The following PCDHGB7 variants were observed in gnomAD, a reference collection of about 807,000 sequenced individuals.
PCDHGB7 encodes the protein protocadherin gamma subfamily B, 7.
Under a neutral mutation model 61.4 loss-of-function variants are expected in PCDHGB7, and 37 were observed. That is an observed-to-expected ratio of 0.60 (90% CI 0.46 to 0.79). The LOEUF (loss-of-function observed/expected upper bound fraction) is 0.79. Among genes scored for constraint, PCDHGB7 ranks in the 30% least tolerant of loss-of-function variants. The pLI, the probability that PCDHGB7 is intolerant of heterozygous loss-of-function variation, is 0.00. For missense variants in PCDHGB7, 1,166 were observed against 1,202.5 expected (o/e 0.97, Z 0.45); for synonymous variants, 464 against 503.5 (o/e 0.92, Z 1.05).
At chr5:141,462,540 TTTC>T (rs2099042260) in intron 1 of PCDHGB7, among the ~76,000 whole-genome samples, 1 of 152,204 alleles carries the variant, frequency 6.6e-6, no homozygotes, top group East Asian at 1.9e-4. Flanking sequence ...TCAGTGATCT[TTTC>T]TTCTTCAGTG....
chr5:141,432,635 G>C lies in PCDHGB7; in HGVS notation c.2415+12361G>C, dbSNP rs754354737. On this transcript the variant is annotated intron_variant, in intron 1 of 3. Transcript: ENST00000398594. The surrounding 1 kb of genome is among the most constrained non-coding windows in gnomAD (Gnocchi z 6.0). ...CTCGGTGGGTCTGCACACGGGCGAG[G>C]TGCGCACGGCGCGAGCCCTGCTGGA... The C allele has an allele frequency of 5.6e-6, 9 of 1,612,886 alleles. No individual in the cohort carries two copies. Among genetic ancestry groups the C allele is most frequent in the Non-Finnish European group, 7.6e-6 (9 of 1,179,742 alleles).
Position 141,431,141 on chromosome 5 carries a change from G to T in PCDHGB7, c.2415+10867G>T. 1.2e-6 allele frequency: 2 copies of T among 1,614,212 alleles called. No homozygotes were observed. Among genetic ancestry groups the T allele is most frequent in the South Asian group, 1.1e-5 (1 of 91,084 alleles). On this transcript the variant is annotated intron_variant, in intron 1 of 3. Coordinates refer to ENST00000398594, the MANE Select transcript of PCDHGB7 (RefSeq NM_018927.4). This position sits in a 1 kb window ranked among gnomAD's most constrained non-coding sequence, Gnocchi z 4.8. ...AGAAGTAGAAGTAAGGGACATTAACGACAATGCGCCTTACTTTCGTGAAAG... is the reference window on the plus strand; with the variant it reads ...AGAAGTAGAAGTAAGGGACATTAACTACAATGCGCCTTACTTTCGTGAAAG...
chr5:141,450,006 C>CT lies in PCDHGB7; in HGVS notation c.2415+29750dup, dbSNP rs1554136305. ...CACATTGCATTTAGTTGCCATGTCT[C>CT]TTTTTTTTTTTTTTTTTTGAGACAG... On this transcript the variant is annotated intron_variant, in intron 1 of 3. Coordinates refer to ENST00000398594, the MANE Select transcript of PCDHGB7 (RefSeq NM_018927.4). Among the ~76,000 whole-genome samples the CT allele has an allele frequency of 9.8e-3, 1,304 of 132,922 alleles. 21 individuals are homozygous for CT. Among genetic ancestry groups the CT allele is most frequent in the Non-Finnish European group, 0.015 (957 of 62,878 alleles). 87.2% of individuals were successfully genotyped at this position (132,922 alleles called of 152,430 possible).
At chr5:141,430,950 TC>T (rs1353555538) in intron 1 of PCDHGB7, 1 of 1,609,980 alleles carries the variant, frequency 6.2e-7, no homozygotes, top group East Asian at 2.2e-5. Flanking sequence ...GAGCGCGGAG[TC>T]CGCATCATCC....
intron 1 of PCDHGB7, among the ~76,000 whole-genome samples, chr5:141,455,410 G>A (rs1332059386): frequency 6.6e-6 from 1 of 152,130 alleles, no homozygotes; most frequent in Non-Finnish European, 1.5e-5. Context: ...CAGAGACAGA[G>A]GGAGCGGGGC....
rs2154591356 is a variant in PCDHGB7, at chr5:141,493,972, C to G, written c.2416-835C>G. Among the ~76,000 whole-genome samples, 6 of 152,276 alleles carry G rather than the reference C, an allele frequency of 3.9e-5. No homozygotes were observed. In the Middle Eastern group the frequency reaches 0.014, roughly 345 times the overall value. On this transcript the variant is annotated intron_variant, in intron 1 of 3. Coordinates refer to ENST00000398594, the MANE Select transcript of PCDHGB7 (RefSeq NM_018927.4). This position sits in a 1 kb window ranked among gnomAD's most constrained non-coding sequence, Gnocchi z 4.3. ...CAGGAATGAAGTGGCTGGCCAGAGC[C>G]CCACACCTTCAGCTAGGTGGGAGAT...
intron 1 of PCDHGB7, among the ~76,000 whole-genome samples, chr5:141,446,120 T>C (rs2098489182): frequency 6.6e-6 from 1 of 152,196 alleles, no homozygotes; most frequent in Admixed American, 6.5e-5. Flanking sequence ...AGGAAATGGG[T>C]TCAATAAGAC....
At chr5:141,506,969 A>G (rs923725359) in intron 3 of PCDHGB7, 7 of 152,208 alleles carry the variant, frequency 4.6e-5, no homozygotes, top group Non-Finnish European at 8.8e-5. Flanking sequence ...ATAGCTCTGC[A>G]AGGCAGGTCT....
At chr5:141,479,120 A>T (rs1278879959) in intron 1 of PCDHGB7, among the ~76,000 whole-genome samples, 1 of 152,232 alleles carries the variant, frequency 6.6e-6, no homozygotes, top group Non-Finnish European at 1.5e-5. Context: ...TTCTACTGGA[A>T]ATGATGTGCA....
chr5:141,456,301 C>CA (rs761557752), intron 1 of PCDHGB7, among the ~76,000 whole-genome samples: 14 of 152,154 alleles, frequency 9.2e-5, no homozygotes, highest in Non-Finnish European at 1.6e-4. Flanking sequence ...TAATGGAGAA[C>CA]AGCAGCTAGG....
intron 1 of PCDHGB7, chr5:141,427,536 G>T (rs758610182): frequency 1.6e-6 from 1 of 626,396 alleles, no homozygotes; most frequent in Non-Finnish European, 3.0e-6. Context: ...GGAGTACAAC[G>T]TCACCATCAC....
At position 141,438,276 on chromosome 5, in the gene PCDHGB7, ATAATT is replaced by A. The variant is rs533892835; in HGVS notation, c.2415+18007_2415+18011del. ...TGAAGAGACCATAGAATCAAACAAA[ATAATT>A]TAATCTGTATGTAAAAGAAGTTGGT... On this transcript the variant is annotated intron_variant, in intron 1 of 3. Coordinates refer to ENST00000398594, the MANE Select transcript of PCDHGB7 (RefSeq NM_018927.4). 1.4e-3 allele frequency among the ~76,000 whole-genome samples: 213 copies of A among 152,246 alleles called. 1 individual carries two copies. The highest frequency in any genetic ancestry group is 4.8e-3 in the African/African-American group (199 of 41,534).
In PCDHGB7 at chr5:141,418,273, A is replaced by C; in HGVS notation, c.414A>C (p.Ile138=). Residue 138 remains isoleucine (I), a synonymous_variant, in exon 1 of 4, where the codon ATA becomes ATC. Coordinates refer to ENST00000398594, the MANE Select transcript of PCDHGB7 (RefSeq NM_018927.4). The part of the protein sequence containing the change: ...DHAPQFRKDE[I]NLEISESVSL... ...CCCCTCAATTCCGGAAAGATGAAAT[A>C]AACTTAGAAATCAGTGAATCCGTCA... 6.2e-7 allele frequency: 1 copy of C among 1,614,082 alleles called. No individual in the cohort carries two copies. The highest frequency in any genetic ancestry group is 1.1e-5 in the South Asian group (1 of 91,090).
chr5:141,418,899 T>C lies in PCDHGB7; in HGVS notation c.1040T>C (p.Ile347Thr), dbSNP rs1320380997. ...VVDENDNSPE[I>T]IITSLSDQIM... ...GACGAAAACGACAACAGCCCAGAAA[T>C]AATCATCACGTCACTCTCTGATCAG... The change falls in exon 1 of 4, where the codon ATA becomes ACA. Residue 347 changes from isoleucine to threonine, a missense_variant. Transcript: ENST00000398594. 1 of 1,613,944 alleles carries C rather than the reference T, an allele frequency of 6.2e-7. No homozygotes were observed.
rs767197233 is a variant in PCDHGB7, at chr5:141,418,642, C to T, written c.783C>T (p.Ile261=). The change falls in exon 1 of 4, where the codon ATC becomes ATT. Residue 261 remains isoleucine, a synonymous_variant. Coordinates refer to ENST00000398594, the MANE Select transcript of PCDHGB7 (RefSeq NM_018927.4). ...AAGACGTGCCTCCAGGCACCTCCAT[C>T]CTGAGAGTGAAGGCCACTGACCAGG... The part of the protein sequence containing the change: ...LREDVPPGTS[I]LRVKATDQDE... The T allele has an allele frequency of 2.3e-5, 37 of 1,614,028 alleles. No individual in the cohort carries two copies. In the South Asian group the frequency reaches 3.6e-4, roughly 16 times the overall value.
intron 1 of PCDHGB7, among the ~76,000 whole-genome samples, chr5:141,458,871 T>C (rs2098955493): frequency 6.6e-6 from 1 of 152,210 alleles, no homozygotes; most frequent in African/African-American, 2.4e-5. Flanking sequence ...TAGCTGGGAC[T>C]ACAGGCATGC....
At chr5:141,462,596 A>G (rs1260411284) in intron 1 of PCDHGB7, among the ~76,000 whole-genome samples, 5 of 151,922 alleles carry the variant, frequency 3.3e-5, no homozygotes, top group African/African-American at 1.2e-4. Flanking sequence ...TTTCCATTTC[A>G]TATATTGTAT....
Position 141,491,930 on chromosome 5 carries a change from G to A in PCDHGB7, c.2416-2877G>A, listed in dbSNP as rs2099735399. On this transcript the variant is annotated intron_variant, in intron 1 of 3. Transcript: ENST00000398594. The surrounding 1 kb of genome is among the most constrained non-coding windows in gnomAD (Gnocchi z 6.9). ...GTGGCGACTGTGGGCGAGGGGAGGT[G>A]GGACCGACCCCCACCCCTACACTCA... 1.6e-6 allele frequency: 2 copies of A among 1,276,580 alleles called. No homozygotes were observed. The highest frequency in any genetic ancestry group is 2.1e-6 in the Non-Finnish European group (2 of 943,112). 79.1% of individuals were successfully genotyped at this position (1,276,580 alleles called of 1,614,324 possible).
chr5:141,425,695 T>C (rs1329762653), intron 1 of PCDHGB7, among the ~76,000 whole-genome samples: 1 of 152,232 alleles, frequency 6.6e-6, no homozygotes, highest in Non-Finnish European at 1.5e-5. Context: ...TATCATTTCA[T>C]AGTGGTCAAA....
Sources: gnomAD v4.1 joint callset for allele counts (sites outside exome capture counted in the v4.1 genomes callset) on GRCh38, gnomAD v4.1.1 for gene constraint, Gnocchi (gnomAD v3.1) non-coding constraint, MANE v1.5 for transcripts, NCBI Gene and HGNC (gene_info 2026-07-23, HGNC 2026-07-21) for gene names.